The following SGF29 variants were observed in gnomAD, a reference collection of about 807,000 sequenced individuals.
SGF29 encodes SAGA-associated factor 29.
A neutral mutation model predicts 38.1 loss-of-function variants in SGF29; 15 were observed. The observed-to-expected ratio is 0.39, with a 90% CI of 0.26 to 0.61. SGF29 has a LOEUF of 0.61. SGF29 is among the 20% of genes least tolerant of loss of function. The pLI, the probability that SGF29 is intolerant of heterozygous loss-of-function variation, is 0.49. For synonymous variants in SGF29, 151 were observed against 160.8 expected (o/e 0.94, Z 0.46); for missense variants, 184 against 394.6 (o/e 0.47, Z 4.52).
At chr16:28,583,948 G>A (rs2046940858) in intron 2 of SGF29, among the ~76,000 whole-genome samples, 1 of 151,800 alleles carries the variant, frequency 6.6e-6, no homozygotes, top group Non-Finnish European at 1.5e-5. Context: ...TGGGGATTGC[G>A]TTGACTGTAT....
At chr16:28,588,653 C>T in intron 4 of SGF29, 1 of 424,960 alleles carries the variant, frequency 2.4e-6, no homozygotes, top group Non-Finnish European at 4.7e-6. Flanking sequence ...CAACCTCTGC[C>T]TCCCAGGTTC....
Position 28,590,256 on chromosome 16 carries a change from G to C in SGF29, c.419+31G>C. 1 of 1,608,968 alleles carries C rather than the reference G, an allele frequency of 6.2e-7. No homozygotes were observed. On this transcript the variant is annotated intron_variant, in intron 6 of 9. Transcript: ENST00000317058. The surrounding 1 kb of genome is among the most constrained non-coding windows in gnomAD (Gnocchi z 8.2). The stretch of plus-strand genomic sequence containing the variant: ...GGCAGCAGCTGCGAGGGAGGGGCTG[G>C]TGCCCAGGGGCTGGGACTGACCCTT...
intron 1 of SGF29, among the ~76,000 whole-genome samples, chr16:28,571,802 T>G (rs1462603612): frequency 6.6e-6 from 1 of 151,714 alleles, no homozygotes; most frequent in Non-Finnish European, 1.5e-5. Context: ...AGGAGAGAGC[T>G]GGGGTGTGAA....
rs767590199 is a variant in SGF29 at position 28,591,706 on chromosome 16, A to ATGCC, written c.*1_*4dup. 1.9e-6 allele frequency: 3 copies of ATGCC among 1,607,248 alleles called. No individual in the cohort carries two copies. In the African/African-American group the frequency reaches 4.0e-5, roughly 21 times the overall value. On this transcript the variant is annotated 3_prime_UTR_variant, in exon 10 of 10. Coordinates refer to ENST00000317058, the MANE Select transcript of SGF29 (RefSeq NM_138414.3). ...CTTGTAAGGAACCCAAGAAAAAGTG[A>ATGCC]TGCCGCCTGGCAGACTCGCCATCCC... is the stretch of plus-strand genomic sequence containing the variant.
intron 5 of SGF29, chr16:28,589,495 C>T (rs1449802450): frequency 2.8e-5 from 8 of 290,068 alleles, no homozygotes; most frequent in East Asian, 7.3e-5. Context: ...CAGAGCCACA[C>T]GCTGTGTGTC....
chr16:28,577,801 A>T (rs1292838332), intron 1 of SGF29, among the ~76,000 whole-genome samples: 1 of 152,144 alleles, frequency 6.6e-6, no homozygotes, highest in Non-Finnish European at 1.5e-5. Context: ...ATTTTTGTAT[A>T]TGGGCTGAGA....
At chr16:28,576,653 T>C (rs1403628543) in intron 1 of SGF29, among the ~76,000 whole-genome samples, 1 of 149,674 alleles carries the variant, frequency 6.7e-6, no homozygotes, top group Non-Finnish European at 1.5e-5. Context: ...TGAGCCGAGA[T>C]CACACCACTG....
intron 2 of SGF29, among the ~76,000 whole-genome samples, chr16:28,584,469 A>G (rs1175549661): frequency 6.6e-6 from 1 of 152,054 alleles, no homozygotes; most frequent in Non-Finnish European, 1.5e-5. Context: ...CCTGGCCAAG[A>G]TGGCGAAACC....
rs1478244081 is a variant in SGF29, at chr16:28,581,063, G to A, written c.-7G>A. On this transcript the variant is annotated 5_prime_UTR_variant, in exon 2 of 10. Coordinates refer to ENST00000317058, the MANE Select transcript of SGF29 (RefSeq NM_138414.3). ...CCTCGCTCCCCCACCAGGTGCCCCT[G>A]TAGACAATGGCCCTCGTGTCTGCCG... 6.2e-7 allele frequency: 1 copy of A among 1,613,572 alleles called. No individual in the cohort carries two copies. The highest frequency in any genetic ancestry group is 1.1e-5 in the South Asian group (1 of 90,936).
chr16:28,565,481 G>A (rs749189731), intron 1 of SGF29, among the ~76,000 whole-genome samples: 2 of 152,092 alleles, frequency 1.3e-5, no homozygotes, highest in Non-Finnish European at 2.9e-5. Context: ...GAGAAGTGAC[G>A]ATGGTAGGTA....
intron 1 of SGF29, among the ~76,000 whole-genome samples, chr16:28,560,223 C>CAA (rs550189969): frequency 5.9e-5 from 8 of 136,610 alleles, no homozygotes; most frequent in Middle Eastern, 3.8e-3. Context: ...GACTCTGACT[C>CAA]AAAAAAAAAA....
intron 1 of SGF29, among the ~76,000 whole-genome samples, chr16:28,561,799 A>C (rs1967513446): frequency 6.6e-6 from 1 of 152,144 alleles, no homozygotes; most frequent in South Asian, 2.1e-4. Context: ...CTTGGCCTGG[A>C]AGTGCAGTGT....
intron 4 of SGF29, among the ~76,000 whole-genome samples, chr16:28,586,634 A>T (rs1299968205): frequency 1.3e-5 from 2 of 152,074 alleles, no homozygotes; most frequent in African/African-American, 2.4e-5. Context: ...CTGAAGTCTG[A>T]CTGTGCCCAG....
At chr16:28,565,137 C>G (rs923884316) in intron 1 of SGF29, among the ~76,000 whole-genome samples, 1 of 152,114 alleles carries the variant, frequency 6.6e-6, no homozygotes. Context: ...AGCTGCTGGT[C>G]CCCCTTCTTC....
At chr16:28,571,591 TAAA>T (rs143979584) in intron 1 of SGF29, among the ~76,000 whole-genome samples, 4 of 127,300 alleles carry the variant, frequency 3.1e-5, no homozygotes, top group Admixed American at 8.4e-5. Flanking sequence ...GACTCCGCCT[TAAA>T]AAAAAAAAAA....
At chr16:28,580,448 G>A (rs555934426) in intron 1 of SGF29, among the ~76,000 whole-genome samples, 16 of 152,282 alleles carry the variant, frequency 1.1e-4, no homozygotes, top group African/African-American at 3.4e-4. Flanking sequence ...GTTACTCCGC[G>A]CATCTCTCCC....
At position 28,590,274 on chromosome 16, in the gene SGF29, T is replaced by A; in HGVS notation, c.420-22T>A. 1 of 1,608,506 alleles carries A rather than the reference T, an allele frequency of 6.2e-7. No homozygotes were observed. The highest frequency in any genetic ancestry group is 8.5e-7 in the Non-Finnish European group (1 of 1,177,726). The stretch of plus-strand genomic sequence containing the variant: ...GGGGCTGGTGCCCAGGGGCTGGGAC[T>A]GACCCTTTGTTCCACTCACAGGCCC... On this transcript the variant is annotated intron_variant, in intron 6 of 9. Transcript: ENST00000317058. The surrounding 1 kb of genome is among the most constrained non-coding windows in gnomAD (Gnocchi z 8.2).
intron 4 of SGF29, chr16:28,588,548 C>CAT (rs2046968229): frequency 2.4e-6 from 1 of 419,138 alleles, no homozygotes; most frequent in Non-Finnish European, 4.6e-6. Context: ...CTAAAAGACA[C>CAT]ATACTGAAGA....
At chr16:28,560,233 A>C (rs964419467) in intron 1 of SGF29, among the ~76,000 whole-genome samples, 6 of 151,628 alleles carry the variant, frequency 4.0e-5, no homozygotes, top group African/African-American at 1.5e-4. Flanking sequence ...CAAAAAAAAA[A>C]ACCACGAAAA....
Sources: allele counts gnomAD v4.1 joint callset (sites outside exome capture counted in the v4.1 genomes callset), GRCh38; gene constraint gnomAD v4.1.1; non-coding constraint Gnocchi (gnomAD v3.1); transcripts MANE v1.5; gene names NCBI Gene and HGNC (gene_info 2026-07-23, HGNC 2026-07-21).